FSD1L: variants seen among roughly 807,000 people sequenced by gnomAD.
FSD1L encodes fibronectin type III and SPRY domain containing 1 like.
A neutral mutation model predicts 71.6 loss-of-function variants in FSD1L; 45 were observed. The observed-to-expected ratio is 0.63, with a 90% CI of 0.49 to 0.81. The LOEUF (loss-of-function observed/expected upper bound fraction) is 0.81. Ranked by LOEUF, FSD1L falls within the 30% of genes least tolerant of loss-of-function variation. The pLI is 0.00. For synonymous variants in FSD1L, 197 were observed against 207.2 expected (o/e 0.95, Z 0.42); for missense variants, 561 against 618.1 (o/e 0.91, Z 0.98).
chr9:105,512,828 A>G lies in FSD1L; in HGVS notation c.917A>G (p.Asn306Ser). Reference sequence around the variant, plus strand: ...ATAGCACTTAACTTCAATTTGGATAACTCCTCATCCCATTTGAACCTGAAA... The same window carrying G: ...ATAGCACTTAACTTCAATTTGGATAGCTCCTCATCCCATTTGAACCTGAAA... ...ETKALNFNLD[N>S]SSSHLNLKVE... Residue 306 changes from asparagine (N) to serine (S), a missense_variant, in exon 10 of 14, where the codon AAC (asparagine) becomes AGC (serine). Asn to Ser is a conservative substitution (Grantham distance 46). This residue lies in a region of FSD1L where 410 missense variants were observed against 413.5 expected (regional missense o/e 0.99). Transcript: ENST00000481272. The G allele has an allele frequency of 2.0e-6, 3 of 1,513,428 alleles. No individual in the cohort carries two copies. Among genetic ancestry groups the G allele is most frequent in the South Asian group, 1.3e-5 (1 of 77,288 alleles). The allele number at this position is 1,513,428 out of a possible 1,614,324, so 93.7% of individuals were successfully genotyped here.
chr9:105,442,286 C>T, the FSD1L span, among the ~76,000 whole-genome samples: 18 of 152,242 alleles, frequency 1.2e-4, no homozygotes, highest in Middle Eastern at 3.4e-3. Context: ...GAGAGCCTTC[C>T]AAACGTGAGT....
At chr9:105,458,833 G>A (rs1472410636) in intron 1 of FSD1L, among the ~76,000 whole-genome samples, 2 of 152,122 alleles carry the variant, frequency 1.3e-5, no homozygotes, top group Non-Finnish European at 2.9e-5. Context: ...ACCATTAAGG[G>A]GTAAAATCTA....
intron 12 of FSD1L, among the ~76,000 whole-genome samples, chr9:105,536,765 T>A (rs924879703): frequency 6.9e-5 from 10 of 144,802 alleles, no homozygotes; most frequent in Admixed American, 3.3e-4. Flanking sequence ...CCTCCTGAGT[T>A]AGCTGGGATT....
Position 105,508,600 on chromosome 9 carries a change from T to A in FSD1L, c.797-17T>A. On this transcript the variant is annotated splice_polypyrimidine_tract_variant and intron_variant, in intron 8 of 13. Transcript: ENST00000481272. ...CTTTACTGTACATGTCTGAAAACCA[T>A]GTTTTCGTTTCTTCAGGCTTAAAAT... The A allele has an allele frequency of 6.8e-7, 1 of 1,467,972 alleles. No homozygotes were observed. The highest frequency in any genetic ancestry group is 2.0e-5 in the Admixed American group (1 of 50,806). The allele number at this position is 1,467,972 out of a possible 1,614,324, so 90.9% of individuals were successfully genotyped here. A position where few individuals can be genotyped will look rare whatever the true frequency, so the allele number is the denominator to read the frequency against.
chr9:105,461,579 C>CAG lies in FSD1L; in HGVS notation c.76_77insGA (p.Ile26ArgfsTer41). 1 of 1,551,652 alleles carries CAG rather than the reference C, an allele frequency of 6.4e-7. No homozygotes were observed. The highest frequency in any genetic ancestry group is 1.2e-5 in the South Asian group (1 of 84,046). On this transcript the variant is annotated frameshift_variant, in exon 2 of 14. Coordinates refer to ENST00000481272, the MANE Select transcript of FSD1L (RefSeq NM_001145313.3). LOFTEE classifies it high-confidence loss of function. ...ATAAAGCCTGTTTTCTGATCTCTAA[C>CAG]ATCACTATTGGACCAGAGTCTATTA...
chr9:105,513,471 T>C (rs1021070781), intron 10 of FSD1L: 2 of 575,984 alleles, frequency 3.5e-6, no homozygotes, highest in Non-Finnish European at 5.8e-6. Flanking sequence ...TGAAGATAAA[T>C]GCCATTGTGA....
At chr9:105,448,436 G>A (rs1829765962) in intron 1 of FSD1L, among the ~76,000 whole-genome samples, 1 of 152,000 alleles carries the variant, frequency 6.6e-6, no homozygotes, top group African/African-American at 2.4e-5. Context: ...GACCGCGCCC[G>A]GTGACTCGGG....
intron 7 of FSD1L, among the ~76,000 whole-genome samples, chr9:105,501,902 T>G (rs1458957050): frequency 6.6e-6 from 1 of 152,188 alleles, no homozygotes; most frequent in South Asian, 2.1e-4. Flanking sequence ...TCCAGGTCAG[T>G]TAGGTTCCTA....
At chr9:105,513,258 A>T (rs554094504) in intron 10 of FSD1L, among the ~76,000 whole-genome samples, 24 of 152,258 alleles carry the variant, frequency 1.6e-4, no homozygotes, top group Admixed American at 1.4e-3. Flanking sequence ...CTTATAGATC[A>T]CCTATCTTAC....
At chr9:105,478,911 A>T (rs1418422208) in intron 5 of FSD1L, among the ~76,000 whole-genome samples, 2 of 152,214 alleles carry the variant, frequency 1.3e-5, no homozygotes, top group Non-Finnish European at 2.9e-5. Flanking sequence ...TGGAACAACG[A>T]TTATGAAGTA....
At chr9:105,522,169 G>T in intron 10 of FSD1L, 2 of 1,613,936 alleles carry the variant, frequency 1.2e-6, no homozygotes, top group Admixed American at 3.3e-5. Flanking sequence ...TACATCTCCC[G>T]AGAACTTTGG....
At chr9:105,475,625 C>G (rs974947031) in intron 5 of FSD1L, among the ~76,000 whole-genome samples, 2 of 152,158 alleles carry the variant, frequency 1.3e-5, no homozygotes, top group African/African-American at 2.4e-5. Flanking sequence ...AAAAACAGAT[C>G]TAAATATTTG....
rs1588994928 is a variant in FSD1L at position 105,489,905 on chromosome 9, T to C, written c.586+5403T>C. The stretch of plus-strand genomic sequence containing the variant: ...ACGTTTTCTTAATCCAGTCTATCAT[T>C]GTTGGACATTTGGGTTGGTTCCAAG... On this transcript the variant is annotated intron_variant, in intron 7 of 13. Coordinates refer to ENST00000481272, the MANE Select transcript of FSD1L (RefSeq NM_001145313.3). Among the ~76,000 whole-genome samples, 5 of 152,246 alleles carry C rather than the reference T, an allele frequency of 3.3e-5. No homozygotes were observed. The South Asian group carries it at 1.0e-3, about 31-fold the overall frequency.
upstream of FSD1L, among the ~76,000 whole-genome samples, chr9:105,446,764 G>C (rs1443333629): frequency 6.7e-6 from 1 of 149,078 alleles, no homozygotes; most frequent in Non-Finnish European, 1.5e-5. Context: ...CTCTGTGAGA[G>C]AAACAGGGCC....
At chr9:105,510,359 T>C (rs939549978) in intron 9 of FSD1L, among the ~76,000 whole-genome samples, 2 of 152,172 alleles carry the variant, frequency 1.3e-5, no homozygotes, top group African/African-American at 4.8e-5. Flanking sequence ...TCACAGATTT[T>C]CTAGGGTTAT....
intron 10 of FSD1L, among the ~76,000 whole-genome samples, chr9:105,514,103 A>G (rs553571976): frequency 1.3e-5 from 2 of 152,380 alleles, no homozygotes; most frequent in East Asian, 3.8e-4. Context: ...ACAGTTCCAG[A>G]AAGATGAATG....
chr9:105,499,431 A>C (rs963572056), intron 7 of FSD1L, among the ~76,000 whole-genome samples: 1 of 151,936 alleles, frequency 6.6e-6, no homozygotes, highest in Non-Finnish European at 1.5e-5. Context: ...TTTTAAAAAC[A>C]TTTCTTCATA....
At chr9:105,526,082 T>A in intron 10 of FSD1L, 1 of 1,524,824 alleles carries the variant, frequency 6.6e-7, no homozygotes, top group Non-Finnish European at 9.1e-7. Context: ...AGTATTCAGA[T>A]AATGAGAAAA....
chr9:105,532,936 C>T (rs1381981985), intron 10 of FSD1L, among the ~76,000 whole-genome samples: 9 of 152,098 alleles, frequency 5.9e-5, no homozygotes, highest in African/African-American at 2.4e-5. Context: ...AGAATGAAGT[C>T]ACTGAGTCAT....
Sources: gnomAD v4.1 joint callset for allele counts (sites outside exome capture counted in the v4.1 genomes callset) on GRCh38, gnomAD v4.1.1 for gene constraint, gnomAD v4.1.1 regional missense constraint, MANE v1.5 for transcripts, NCBI Gene and HGNC (gene_info 2026-07-23, HGNC 2026-07-21) for gene names.